Variants in SDHAF3 observed in about 807,000 individuals in gnomAD.
SDHAF3 encodes the protein succinate dehydrogenase assembly factor 3, mitochondrial.
A neutral mutation model predicts 11.5 loss-of-function variants in SDHAF3; 18 were observed. The ratio of observed to expected loss-of-function variants is 1.56; its 90% CI spans 1.08 to 2.32. The LOEUF (loss-of-function observed/expected upper bound fraction) is 2.32, where lower values mean the gene tolerates loss of function less well. Among genes scored for constraint, SDHAF3 ranks in the 30% most tolerant of loss-of-function variants. SDHAF3 has a pLI of 0.00. For missense variants in SDHAF3, 200 were observed against 154.4 expected (o/e 1.30, Z -1.57); for synonymous variants, 72 against 59.3 (o/e 1.21, Z -0.99).
chr7:97,135,076 T>TCC (rs200730835), intron 1 of SDHAF3: 6 of 151,408 alleles, frequency 4.0e-5, no homozygotes, highest in African/African-American at 1.5e-4. Flanking sequence ...TTTTTTTTTT[T>TCC]CCCCCCAAGG....
intron 1 of SDHAF3, among the ~76,000 whole-genome samples, chr7:97,126,434 G>C (rs1049526529): frequency 6.6e-6 from 1 of 152,154 alleles, no homozygotes; most frequent in Non-Finnish European, 1.5e-5. Context: ...CTTCCCCCAG[G>C]TGCTGTGGCC....
chr7:97,150,350 A>G (rs1789199594), intron 1 of SDHAF3, among the ~76,000 whole-genome samples: 1 of 152,204 alleles, frequency 6.6e-6, no homozygotes, highest in East Asian at 1.9e-4. Context: ...CCATCAGAGG[A>G]ATCACTATCT....
At chr7:97,159,997 T>A (rs1789375096) in intron 1 of SDHAF3, among the ~76,000 whole-genome samples, 1 of 152,216 alleles carries the variant, frequency 6.6e-6, no homozygotes, top group Non-Finnish European at 1.5e-5. Flanking sequence ...GGAAAGATAA[T>A]GACAAGGATT....
chr7:97,158,742 A>G (rs977220868), intron 1 of SDHAF3, among the ~76,000 whole-genome samples: 1 of 152,254 alleles, frequency 6.6e-6, no homozygotes, highest in Non-Finnish European at 1.5e-5. Context: ...CAGTGTATGG[A>G]CTATGACCTT....
At chr7:97,124,624 A>G (rs1791547291) in intron 1 of SDHAF3, among the ~76,000 whole-genome samples, 1 of 152,130 alleles carries the variant, frequency 6.6e-6, no homozygotes, top group Admixed American at 6.5e-5. Flanking sequence ...CTTCCCATCC[A>G]TTAGCATGGA....
intron 1 of SDHAF3, among the ~76,000 whole-genome samples, chr7:97,177,686 A>C (rs1295953582): frequency 6.6e-6 from 1 of 152,138 alleles, no homozygotes; most frequent in African/African-American, 2.4e-5. Flanking sequence ...TGTATTTTCA[A>C]GTTCATGAAT....
intron 1 of SDHAF3, among the ~76,000 whole-genome samples, chr7:97,156,086 A>T (rs985493906): frequency 1.3e-5 from 2 of 152,138 alleles, no homozygotes; most frequent in African/African-American, 4.8e-5. Flanking sequence ...ATTCACATTA[A>T]CTTAGGTCAT....
intron 1 of SDHAF3, among the ~76,000 whole-genome samples, chr7:97,129,921 G>A (rs909115342): frequency 1.3e-5 from 2 of 152,086 alleles, no homozygotes; most frequent in African/African-American, 2.4e-5. Context: ...GTGGGTCTGC[G>A]GTGGGATGGG....
intron 1 of SDHAF3, among the ~76,000 whole-genome samples, chr7:97,148,825 TTC>T (rs1789173674): frequency 6.6e-6 from 1 of 152,210 alleles, no homozygotes; most frequent in African/African-American, 2.4e-5. Context: ...AAAATTGTGC[TTC>T]TCAGTGTAAT....
chr7:97,144,678 G>C (rs1486661352), intron 1 of SDHAF3, among the ~76,000 whole-genome samples: 2 of 152,176 alleles, frequency 1.3e-5, no homozygotes, highest in East Asian at 1.9e-4. Context: ...CTATGTGCCT[G>C]TTTTTATACC....
chr7:97,167,747 G>A (rs1789532079), intron 1 of SDHAF3, among the ~76,000 whole-genome samples: 1 of 152,120 alleles, frequency 6.6e-6, no homozygotes, highest in Non-Finnish European at 1.5e-5. Context: ...TGGGTGGGGG[G>A]CCCACAGATC....
intron 1 of SDHAF3, among the ~76,000 whole-genome samples, chr7:97,168,000 G>A (rs557453941): frequency 5.9e-5 from 9 of 152,156 alleles, no homozygotes; most frequent in Non-Finnish European, 1.0e-4. Context: ...CACGTGCACT[G>A]GGGGGAATGG....
intron 1 of SDHAF3, among the ~76,000 whole-genome samples, chr7:97,138,255 G>A (rs1023674637): frequency 1.3e-5 from 2 of 151,638 alleles, no homozygotes; most frequent in Admixed American, 1.3e-4. Context: ...CGCCTCCCAC[G>A]TATAAGCAAT....
intron 1 of SDHAF3, among the ~76,000 whole-genome samples, chr7:97,121,161 A>C (rs73708859): frequency 0.01 from 1,560 of 152,316 alleles, 24 homozygotes; most frequent in African/African-American, 0.035. Context: ...AGTGAAATTG[A>C]GACTCCATAG....
At chr7:97,164,939 T>C (rs1018497633) in intron 1 of SDHAF3, among the ~76,000 whole-genome samples, 2 of 152,120 alleles carry the variant, frequency 1.3e-5, no homozygotes, top group African/African-American at 2.4e-5. Context: ...GGAATATAGT[T>C]TGAAATAATG....
intron 1 of SDHAF3, among the ~76,000 whole-genome samples, chr7:97,171,881 CT>C (rs1349673302): frequency 1.3e-5 from 2 of 151,874 alleles, no homozygotes; most frequent in East Asian, 1.9e-4. Flanking sequence ...CTTAGATTTT[CT>C]TTTTTAAAGC....
At chr7:97,155,982 A>G (rs563757265) in intron 1 of SDHAF3, among the ~76,000 whole-genome samples, 46 of 152,214 alleles carry the variant, frequency 3.0e-4, no homozygotes, top group African/African-American at 1.1e-3. Flanking sequence ...CCATTTTTTT[A>G]AAAAGTATGG....
chr7:97,118,137 C>T (rs1185400968), intron 1 of SDHAF3, among the ~76,000 whole-genome samples: 1 of 152,118 alleles, frequency 6.6e-6, no homozygotes, highest in Non-Finnish European at 1.5e-5. Flanking sequence ...ATGCCAGGTG[C>T]TCAAAGGGTG....
chr7:97,146,305 A>G (rs1030360772), intron 1 of SDHAF3, among the ~76,000 whole-genome samples: 1 of 152,238 alleles, frequency 6.6e-6, no homozygotes, highest in African/African-American at 2.4e-5. Context: ...TAAAAGAAGC[A>G]CTAAAATCAC....
Sources: allele counts gnomAD v4.1 joint callset (sites outside exome capture counted in the v4.1 genomes callset), GRCh38; gene constraint gnomAD v4.1.1; transcripts MANE v1.5; gene names NCBI Gene and HGNC (gene_info 2026-07-23, HGNC 2026-07-21).